APIP: variants seen among roughly 807,000 people sequenced by gnomAD.
APIP encodes the protein APAF1 interacting protein.
In APIP, 32 loss-of-function variants were observed where a neutral mutation model predicts 32.0. The ratio of observed to expected loss-of-function variants is 1.00; its 90% CI spans 0.76 to 1.34. APIP has a LOEUF of 1.34. Among genes scored for constraint, APIP ranks in the 40% most tolerant of loss-of-function variants. The pLI, the probability that APIP is intolerant of heterozygous loss-of-function variation, is 0.00. For missense variants in APIP, 247 were observed against 298.6 expected (o/e 0.83, Z 1.27); for synonymous variants, 92 against 94.8 (o/e 0.97, Z 0.17).
At chr11:34,913,315 G>A (rs1429533781) in intron 1 of APIP, among the ~76,000 whole-genome samples, 1 of 152,162 alleles carries the variant, frequency 6.6e-6, no homozygotes, top group Non-Finnish European at 1.5e-5. Context: ...GTGGGTTCTT[G>A]GTCTCACTGA....
chr11:34,888,897 AAAG>A (rs1406469006), intron 3 of APIP, 28 bp from the exon 4 acceptor site: 25 of 1,307,388 alleles, frequency 1.9e-5, no homozygotes, highest in East Asian at 2.8e-5. Context: ...AAAAAGAAAA[AAAG>A]AAGGCTTGTA....
intron 1 of APIP, among the ~76,000 whole-genome samples, chr11:34,901,669 G>A (rs2985381): frequency 2.5e-4 from 38 of 152,058 alleles, no homozygotes; most frequent in African/African-American, 9.2e-4. Flanking sequence ...AATCATGGCT[G>A]AAAGTCCTGC....
At chr11:34,888,952 A>G (rs1853137882) in intron 3 of APIP, 83 bp from the exon 4 acceptor site, 2 of 739,834 alleles carry the variant, frequency 2.7e-6, no homozygotes, top group African/African-American at 1.9e-5. Context: ...GTACATATAC[A>G]TAAGAATACA....
At chr11:34,914,693 A>C (rs770672979) in intron 1 of APIP, among the ~76,000 whole-genome samples, 8 of 152,122 alleles carry the variant, frequency 5.3e-5, no homozygotes, top group Non-Finnish European at 1.2e-4. Flanking sequence ...AAGAAGCTGA[A>C]ATGATTCTGG....
chr11:34,915,340 CT>C (rs1273410157), intron 1 of APIP, among the ~76,000 whole-genome samples: 8 of 152,164 alleles, frequency 5.3e-5, no homozygotes, highest in South Asian at 2.1e-4. Context: ...GGGGAAGTCA[CT>C]TATTCAAACA....
At chr11:34,891,949 A>C (rs981432522) in intron 2 of APIP, among the ~76,000 whole-genome samples, 2 of 152,140 alleles carry the variant, frequency 1.3e-5, no homozygotes, top group African/African-American at 4.8e-5. Context: ...GGGTCTTCTT[A>C]TGTGGGGAGA....
chr11:34,904,491 G>A (rs1853412902), intron 1 of APIP, among the ~76,000 whole-genome samples: 1 of 152,094 alleles, frequency 6.6e-6, no homozygotes. Context: ...TCAAAATTAG[G>A]TCTTAGCCCT....
At chr11:34,894,815 C>T (rs1437834906) in intron 2 of APIP, among the ~76,000 whole-genome samples, 195 bp downstream of exon 2, 1 of 152,182 alleles carries the variant, frequency 6.6e-6, no homozygotes, top group African/African-American at 2.4e-5. Context: ...CAGTCTTTAG[C>T]TATTTGACAT....
In APIP at chr11:34,895,726, G is replaced by GTA. The variant is rs1853257936; in HGVS notation, c.58-617_58-616insTA. Among the ~76,000 whole-genome samples the GTA allele has an allele frequency of 2.1e-5, 3 of 143,550 alleles. No individual in the cohort carries two copies. In the East Asian group the frequency reaches 6.3e-4, roughly 30 times the overall value. The allele number at this position is 143,550 out of a possible 152,430, so 94.2% of individuals were successfully genotyped here. A position where few individuals can be genotyped will look rare whatever the true frequency, so the allele number is the denominator to read the frequency against. ...TGCTTAACCCATTTTATGAAGATAC[G>GTA]TGTTTATGAGTGTATGTGTGTGTAT... is the stretch of plus-strand genomic sequence containing the variant. On this transcript the variant is annotated intron_variant, in intron 1 of 6. Coordinates refer to ENST00000395787, the MANE Select transcript of APIP (RefSeq NM_015957.4).
intron 1 of APIP, among the ~76,000 whole-genome samples, chr11:34,905,660 A>C (rs1853437636): frequency 6.6e-6 from 1 of 152,194 alleles, no homozygotes; most frequent in South Asian, 2.1e-4. Flanking sequence ...AGGAGAGTGC[A>C]ACAAGGGTGA....
rs1458148861 is a variant in APIP at position 34,898,785 on chromosome 11, G to GTTTTTTTTTTTTTTTT, written c.58-3676_58-3675insAAAAAAAAAAAAAAAA. On this transcript the variant is annotated intron_variant, in intron 1 of 6. Coordinates refer to ENST00000395787, the MANE Select transcript of APIP (RefSeq NM_015957.4). The stretch of plus-strand genomic sequence containing the variant: ...GCGAGCACATAGTATTTCTTTCTTT[G>GTTTTTTTTTTTTTTTT]GTTTTTTTTTTTTTTTTTTTTTTTT... Among the ~76,000 whole-genome samples the GTTTTTTTTTTTTTTTT allele has an allele frequency of 3.3e-5, 3 of 92,114 alleles. 1 individual carries two copies. The highest frequency in any genetic ancestry group is 6.3e-5 in the Non-Finnish European group (3 of 47,596). The allele number at this position is 92,114 out of a possible 152,430, so 60.4% of individuals were successfully genotyped here.
At chr11:34,901,131 G>GA (rs1239839569) in intron 1 of APIP, among the ~76,000 whole-genome samples, 1 of 152,102 alleles carries the variant, frequency 6.6e-6, no homozygotes, top group Non-Finnish European at 1.5e-5. Context: ...CCAATAAAAG[G>GA]AAAGGAAAAT....
intron 2 of APIP, among the ~76,000 whole-genome samples, chr11:34,892,150 A>G (rs932454322): frequency 4.6e-5 from 7 of 152,212 alleles, no homozygotes; most frequent in Admixed American, 1.3e-4. Flanking sequence ...AGATTAGCCA[A>G]ATGTTTTAGA....
At chr11:34,896,681 C>T in intron 1 of APIP, 1 of 949,836 alleles carries the variant, frequency 1.1e-6, no homozygotes, top group Non-Finnish European at 1.5e-6. Flanking sequence ...AGTAACAAAC[C>T]TGTAAGTTCT....
At chr11:34,915,889 T>A in intron 1 of APIP, 1 of 403,296 alleles carries the variant, frequency 2.5e-6, no homozygotes, top group South Asian at 4.1e-5. Flanking sequence ...CCAGCTCCAC[T>A]TCGGTGCTTC....
intron 5 of APIP, among the ~76,000 whole-genome samples, 189 bp downstream of exon 5, chr11:34,888,104 G>A (rs1056410437): frequency 1.3e-5 from 2 of 151,954 alleles, no homozygotes; most frequent in Non-Finnish European, 2.9e-5. Flanking sequence ...CTGGGGTAGG[G>A]GCGGGAGAGG....
chr11:34,896,724 A>AAGC (rs1853278540), intron 1 of APIP: 2 of 861,938 alleles, frequency 2.3e-6, no homozygotes, highest in African/African-American at 1.9e-5. Context: ...AAGCATAATA[A>AAGC]AGCAACAACA....
chr11:34,916,088 C>T, intron 1 of APIP, 140 bp downstream of exon 1: 1 of 1,126,296 alleles, frequency 8.9e-7, no homozygotes, highest in South Asian at 1.6e-5. Context: ...CGCGGTGCGC[C>T]GGGGTAGCGA....
At chr11:34,895,387 A>T (rs191459908) in intron 1 of APIP, among the ~76,000 whole-genome samples, 16 of 152,340 alleles carry the variant, frequency 1.1e-4, no homozygotes, top group African/African-American at 3.8e-4. Context: ...AATGCCTAGT[A>T]TACATTACAA....
Sources: allele counts gnomAD v4.1 joint callset (sites outside exome capture counted in the v4.1 genomes callset), GRCh38; gene constraint gnomAD v4.1.1; transcripts MANE v1.5; gene names NCBI Gene and HGNC (gene_info 2026-07-23, HGNC 2026-07-21).